Variants in PSD3 observed in about 807,000 individuals in gnomAD.
PSD3 encodes the protein pleckstrin and Sec7 domain containing 3.
PSD3 carries 49 observed loss-of-function variants against 105.5 expected under a neutral mutation model. The ratio of observed to expected loss-of-function variants is 0.46; its 90% CI spans 0.37 to 0.59. The LOEUF (loss-of-function observed/expected upper bound fraction) is 0.59, where lower values mean the gene tolerates loss of function less well. Among genes scored for constraint, PSD3 ranks in the 20% least tolerant of loss-of-function variants. The pLI is 0.00. For missense variants in PSD3, 1,561 were observed against 1,263.8 expected (o/e 1.24, Z -3.57); for synonymous variants, 557 against 457.8 (o/e 1.22, Z -2.77).
At chr8:18,930,605 C>T (rs969525704) in intron 2 of PSD3, among the ~76,000 whole-genome samples, 1 of 144,034 alleles carries the variant, frequency 6.9e-6, no homozygotes, top group African/African-American at 2.6e-5. Flanking sequence ...GAGTCTCGCT[C>T]TGTTGCCAGG....
intron 9 of PSD3, among the ~76,000 whole-genome samples, chr8:18,737,726 G>A (rs1005770954): frequency 6.6e-6 from 1 of 151,826 alleles, no homozygotes; most frequent in South Asian, 2.1e-4. Context: ...TTTTCCCCAG[G>A]GTACAGACTG....
intron 1 of PSD3, among the ~76,000 whole-genome samples, chr8:18,959,626 T>C (rs1232845551): frequency 6.6e-6 from 1 of 152,096 alleles, no homozygotes; most frequent in Non-Finnish European, 1.5e-5. Flanking sequence ...CACACTCACA[T>C]TCCACTAAGA....
intron 4 of PSD3, among the ~76,000 whole-genome samples, chr8:18,828,047 G>GTATGTATA (rs1554515317): frequency 7.9e-6 from 1 of 126,386 alleles, no homozygotes; most frequent in East Asian, 2.2e-4. Flanking sequence ...ATATATATAT[G>GTATGTATA]TATATATATA....
chr8:18,745,787 C>T (rs995325587), intron 9 of PSD3, among the ~76,000 whole-genome samples: 9 of 152,220 alleles, frequency 5.9e-5, no homozygotes, highest in Non-Finnish European at 1.2e-4. Context: ...GTTTCTGCAT[C>T]AATCCATACA....
At chr8:18,542,336 C>T (rs568738395) in intron 15 of PSD3, among the ~76,000 whole-genome samples, 2 of 152,258 alleles carry the variant, frequency 1.3e-5, no homozygotes, top group African/African-American at 4.8e-5. Context: ...GTATCAGGAG[C>T]TCATTTACCT....
intron 1 of PSD3, among the ~76,000 whole-genome samples, chr8:18,956,447 A>G (rs1823580510): frequency 6.6e-6 from 1 of 152,196 alleles, no homozygotes; most frequent in Admixed American, 6.5e-5. Context: ...AGATGATTAC[A>G]CTGGAGAGGC....
intron 12 of PSD3, among the ~76,000 whole-genome samples, chr8:18,585,546 G>C (rs955948578): frequency 6.6e-6 from 1 of 151,980 alleles, no homozygotes; most frequent in Non-Finnish European, 1.5e-5. Context: ...TTGAACCCTT[G>C]GGCTTAAGCA....
chr8:18,656,780 CATG>C (rs1162344568), intron 9 of PSD3, among the ~76,000 whole-genome samples: 2 of 152,168 alleles, frequency 1.3e-5, no homozygotes, highest in Non-Finnish European at 2.9e-5. Context: ...TATTCATGAC[CATG>C]ATAATAGTGC....
rs1247484630 is a variant in PSD3 at position 18,879,854 on chromosome 8, C to T, written c.131-7121G>A. 6.6e-5 allele frequency among the ~76,000 whole-genome samples: 10 copies of T among 151,990 alleles called. 1 individual carries two copies. In the East Asian group the frequency reaches 1.9e-3, roughly 29 times the overall value. On this transcript the variant is annotated intron_variant, in intron 2 of 15. Transcript: ENST00000327040. ...CTCAAGTGATCCTCCCACCCTTGGC[C>T]TCCCAAAGTGCTGGGATTACGGCGT...
intron 1 of PSD3, among the ~76,000 whole-genome samples, chr8:18,956,180 T>C (rs192914687): frequency 6.6e-6 from 1 of 152,318 alleles, no homozygotes; most frequent in African/African-American, 2.4e-5. Flanking sequence ...ACTGGAGAAG[T>C]GTAAAACACG....
chr8:19,054,214 G>T (rs1828632397), intron 1 of PSD3, among the ~76,000 whole-genome samples: 1 of 152,180 alleles, frequency 6.6e-6, no homozygotes, highest in Admixed American at 6.5e-5. Context: ...GCTAGCCCCT[G>T]AATTGCTGAT....
intron 8 of PSD3, chr8:18,786,876 G>C (rs1051692610): frequency 6.6e-6 from 1 of 152,162 alleles, no homozygotes; most frequent in African/African-American, 2.4e-5. Flanking sequence ...TGAGGAGTCA[G>C]ATCAGTCCAT....
At chr8:18,841,451 G>T (rs1388252523) in intron 4 of PSD3, among the ~76,000 whole-genome samples, 2 of 140,548 alleles carry the variant, frequency 1.4e-5, no homozygotes, top group Non-Finnish European at 3.0e-5. Flanking sequence ...TTATTTTTAA[G>T]AGTGTCTGCT....
chr8:18,900,666 T>G (rs893130946), intron 2 of PSD3, among the ~76,000 whole-genome samples: 24 of 120,284 alleles, frequency 2.0e-4, no homozygotes, highest in African/African-American at 5.8e-4. Context: ...TTTTTTTTTT[T>G]GGGAGACAGG....
intron 9 of PSD3, among the ~76,000 whole-genome samples, chr8:18,748,262 G>A (rs1226356186): frequency 1.3e-5 from 2 of 152,098 alleles, no homozygotes; most frequent in Non-Finnish European, 2.9e-5. Context: ...TGACTCCTTT[G>A]TATAGATGCA....
intron 8 of PSD3, among the ~76,000 whole-genome samples, chr8:18,766,935 G>A (rs184823088): frequency 2.6e-5 from 4 of 152,286 alleles, no homozygotes; most frequent in East Asian, 3.9e-4. Flanking sequence ...TTGCACTAGC[G>A]GGAGATACCA....
chr8:18,773,511 A>G (rs1017446539), intron 8 of PSD3, among the ~76,000 whole-genome samples: 17 of 152,220 alleles, frequency 1.1e-4, no homozygotes, highest in African/African-American at 4.1e-4. Flanking sequence ...TCTCTGGGAT[A>G]AATGTTATTG....
At chr8:18,694,556 G>A (rs1843968) in intron 9 of PSD3, among the ~76,000 whole-genome samples, 135,268 of 148,410 alleles carry the variant, frequency 0.91, 62,119 homozygotes, top group Middle Eastern at 0.97. Context: ...CTTGCAGTGA[G>A]CCGAGATCGT....
At chr8:18,828,493 T>A (rs1563320208) in intron 4 of PSD3, among the ~76,000 whole-genome samples, 1 of 152,206 alleles carries the variant, frequency 6.6e-6, no homozygotes, top group East Asian at 1.9e-4. Context: ...CAAAAGGTAT[T>A]TTTTACGATG....
Sources: gnomAD v4.1 joint callset for allele counts (sites outside exome capture counted in the v4.1 genomes callset) on GRCh38, gnomAD v4.1.1 for gene constraint, MANE v1.5 for transcripts, NCBI Gene and HGNC (gene_info 2026-07-23, HGNC 2026-07-21) for gene names.